ULK4: variants seen among roughly 807,000 people sequenced by gnomAD.
ULK4 encodes the protein inactive serine/threonine-protein kinase ULK4.
Under a neutral mutation model 160.6 loss-of-function variants are expected in ULK4, and 133 were observed. The ratio of observed to expected loss-of-function variants is 0.83; its 90% CI spans 0.72 to 0.96. ULK4 has a LOEUF of 0.96. Ranked by LOEUF, ULK4 falls within the 40% of genes least tolerant of loss-of-function variation. The pLI, the probability that ULK4 is intolerant of heterozygous loss-of-function variation, is 0.00. For missense variants in ULK4, 1,580 were observed against 1,499.5 expected, an observed-to-expected ratio of 1.05 and a Z score of -0.89; for synonymous variants, 534 against 539.8, an observed-to-expected ratio of 0.99 and a Z score of 0.15.
intron 32 of ULK4, among the ~76,000 whole-genome samples, chr3:41,489,580 C>G (rs1002965577): frequency 6.6e-6 from 1 of 152,168 alleles, no homozygotes; most frequent in Non-Finnish European, 1.5e-5. Context: ...CATGACCCCC[C>G]ACCTCAGTAG....
At chr3:41,734,642 G>A (rs894796482) in intron 22 of ULK4, among the ~76,000 whole-genome samples, 2 of 152,120 alleles carry the variant, frequency 1.3e-5, no homozygotes, top group African/African-American at 2.4e-5. Flanking sequence ...AGACTGAGGT[G>A]GGAAGAAAGC....
chr3:41,534,414 G>C (rs1303691825), intron 32 of ULK4, among the ~76,000 whole-genome samples: 2 of 150,266 alleles, frequency 1.3e-5, no homozygotes, highest in Non-Finnish European at 2.9e-5. Flanking sequence ...CCAGCAGCCA[G>C]TCTTAAAATG....
intron 30 of ULK4, among the ~76,000 whole-genome samples, chr3:41,661,521 T>C (rs1181337236): frequency 2.0e-5 from 3 of 150,488 alleles, no homozygotes; most frequent in Non-Finnish European, 3.0e-5. Flanking sequence ...GATAGATAGA[T>C]AGATAGATAA....
At chr3:41,690,358 G>C (rs2036254758) in intron 27 of ULK4, among the ~76,000 whole-genome samples, 1 of 151,370 alleles carries the variant, frequency 6.6e-6, no homozygotes, top group South Asian at 2.1e-4. Flanking sequence ...GAGTTAATGG[G>C]TGCAGCACAC....
chr3:41,846,256 T>G (rs555521441), intron 17 of ULK4, among the ~76,000 whole-genome samples: 3 of 151,924 alleles, frequency 2.0e-5, no homozygotes, highest in East Asian at 3.9e-4. Flanking sequence ...TTTAAAGAAA[T>G]AATAATAAAA....
At position 41,398,035 on chromosome 3, in the gene ULK4, C is replaced by A. The variant is rs1428774581; in HGVS notation, c.3678+44G>T. Reference sequence around the variant, plus strand: ...GGCTACTCACTGTCCATGTCGCTGCCAGCAAAGCCACCCACAGTGTCCCCG... The same window carrying A: ...GGCTACTCACTGTCCATGTCGCTGCAAGCAAAGCCACCCACAGTGTCCCCG... On this transcript the variant is annotated intron_variant, in intron 35 of 36. Transcript: ENST00000301831. 10 of 1,574,618 alleles carry A rather than the reference C, an allele frequency of 6.4e-6. 1 individual carries two copies. The highest frequency in any genetic ancestry group is 3.5e-5 in the South Asian group (3 of 85,730).
At chr3:41,886,658 C>A (rs1419321334) in intron 16 of ULK4, among the ~76,000 whole-genome samples, 1 of 151,902 alleles carries the variant, frequency 6.6e-6, no homozygotes, top group Non-Finnish European at 1.5e-5. Flanking sequence ...TCACTGCACC[C>A]TCCGCCTCCT....
At chr3:41,791,232 G>A (rs1452957302) in intron 20 of ULK4, among the ~76,000 whole-genome samples, 1 of 152,104 alleles carries the variant, frequency 6.6e-6, no homozygotes, top group Non-Finnish European at 1.5e-5. Flanking sequence ...CTGACCTCGT[G>A]ATCTGCCTGC....
At chr3:41,800,513 A>C (rs980576780) in intron 19 of ULK4, among the ~76,000 whole-genome samples, 2 of 152,210 alleles carry the variant, frequency 1.3e-5, no homozygotes, top group African/African-American at 4.8e-5. Context: ...AACTCTCCAT[A>C]TATTTTAATA....
intron 12 of ULK4, among the ~76,000 whole-genome samples, chr3:41,901,216 G>A (rs1427584133): frequency 1.2e-4 from 16 of 133,168 alleles, no homozygotes; most frequent in Non-Finnish European, 1.8e-4. Context: ...GTCTCGCTCT[G>A]TCCCCCAGGC....
chr3:41,396,030 T>C (rs577497127), intron 35 of ULK4, among the ~76,000 whole-genome samples: 2 of 152,142 alleles, frequency 1.3e-5, no homozygotes, highest in Non-Finnish European at 2.9e-5. Flanking sequence ...TATGATTAAT[T>C]TGATCAGTGT....
intron 35 of ULK4, among the ~76,000 whole-genome samples, chr3:41,327,055 C>A (rs1472897015): frequency 6.6e-6 from 1 of 152,158 alleles, no homozygotes; most frequent in Non-Finnish European, 1.5e-5. Context: ...CCTACTGTTT[C>A]CAAGCTTTTC....
At chr3:41,954,342 C>A (rs1281843976) in intron 2 of ULK4, among the ~76,000 whole-genome samples, 1 of 125,858 alleles carries the variant, frequency 7.9e-6, no homozygotes, top group Non-Finnish European at 1.7e-5. Flanking sequence ...AGAGAGAGAC[C>A]CTGTTTCTAA....
chr3:41,876,558 A>T (rs1697310181), intron 17 of ULK4, among the ~76,000 whole-genome samples: 1 of 152,204 alleles, frequency 6.6e-6, no homozygotes, highest in Non-Finnish European at 1.5e-5. Context: ...TACCAATTCC[A>T]TTCCTACACA....
intron 35 of ULK4, among the ~76,000 whole-genome samples, chr3:41,256,421 C>T (rs1362246698): frequency 6.6e-6 from 1 of 151,998 alleles, no homozygotes; most frequent in Non-Finnish European, 1.5e-5. Flanking sequence ...ACAACAGAGC[C>T]CAGAAACAGA....
rs116367193 is a variant in ULK4 at position 41,394,451 on chromosome 3, C to T, written c.3678+3628G>A. On this transcript the variant is annotated intron_variant, in intron 35 of 36. Transcript: ENST00000301831. ...CATTTAGTACACCTAACCTGCCAAACATCATGGCCCAGCATACCTTAAATG... is the reference window on the plus strand; with the variant it reads ...CATTTAGTACACCTAACCTGCCAAATATCATGGCCCAGCATACCTTAAATG... Among the ~76,000 whole-genome samples, 751 of 152,208 alleles carry T rather than the reference C, an allele frequency of 4.9e-3. 6 individuals carry two copies. The highest frequency in any genetic ancestry group is 0.025 in the South Asian group (122 of 4,822).
At chr3:41,653,357 T>C (rs2034816651) in intron 30 of ULK4, among the ~76,000 whole-genome samples, 1 of 152,210 alleles carries the variant, frequency 6.6e-6, no homozygotes, top group Non-Finnish European at 1.5e-5. Context: ...AAAGTTCTTG[T>C]CCACATTTTC....
At chr3:41,576,844 A>C (rs2088206566) in intron 31 of ULK4, among the ~76,000 whole-genome samples, 1 of 152,208 alleles carries the variant, frequency 6.6e-6, no homozygotes, top group South Asian at 2.1e-4. Flanking sequence ...TATACTCCTA[A>C]AATTCTGAAA....
At chr3:41,258,949 A>AATAT (rs890454033) in intron 35 of ULK4, among the ~76,000 whole-genome samples, 15 of 149,112 alleles carry the variant, frequency 1.0e-4, no homozygotes, top group African/African-American at 3.5e-4. Context: ...ACATCTGTTG[A>AATAT]ATATATATAT....
Sources: allele counts gnomAD v4.1 joint callset (sites outside exome capture counted in the v4.1 genomes callset), GRCh38; gene constraint gnomAD v4.1.1; transcripts MANE v1.5; gene names NCBI Gene and HGNC (gene_info 2026-07-23, HGNC 2026-07-21).